Variants in NRDC observed in about 807,000 individuals in gnomAD.
NRDC encodes the protein nardilysin.
In NRDC, 54 loss-of-function variants were observed where a neutral mutation model predicts 147.1. That is an observed-to-expected ratio of 0.37 (90% CI 0.29 to 0.46). The LOEUF (loss-of-function observed/expected upper bound fraction) is 0.46. Among genes scored for constraint, NRDC ranks in the 20% least tolerant of loss-of-function variants. NRDC has a pLI of 1.00. For missense variants in NRDC, 1,082 were observed against 1,370.6 expected, an observed-to-expected ratio of 0.79 and a Z score of 3.33; for synonymous variants, 440 against 482.1, an observed-to-expected ratio of 0.91 and a Z score of 1.14.
chr1:51,877,329 A>C (rs1345341614), intron 1 of NRDC, among the ~76,000 whole-genome samples: 1 of 152,128 alleles, frequency 6.6e-6, no homozygotes, highest in Non-Finnish European at 1.5e-5. Context: ...CAACCTGTTC[A>C]ACGAAGTTAT....
intron 1 of NRDC, among the ~76,000 whole-genome samples, chr1:51,873,020 C>A (rs1683155926): frequency 6.6e-6 from 1 of 152,074 alleles, no homozygotes; most frequent in Non-Finnish European, 1.5e-5. Flanking sequence ...ATTTTGTGAT[C>A]ATTTTAGCAA....
chr1:51,834,526 G>A (rs139983021), intron 3 of NRDC, among the ~76,000 whole-genome samples: 1,974 of 152,140 alleles, frequency 0.013, 133 homozygotes, highest in Admixed American at 0.11. Flanking sequence ...AGGTTGCCCA[G>A]GCTGGTCTCC....
In NRDC at chr1:51,816,300, T is replaced by C. The variant is rs1407496796; in HGVS notation, c.1439+12A>G. On this transcript the variant is annotated intron_variant, in intron 11 of 30. Transcript: ENST00000352171. The stretch of plus-strand genomic sequence containing the variant: ...TTGCTATACTGAAAATACTTATTAA[T>C]TGAATACTTGCTTTTTCCTAAGGAA... 4.5e-6 allele frequency: 7 copies of C among 1,564,548 alleles called. No individual in the cohort carries two copies. Among genetic ancestry groups the C allele is most frequent in the East Asian group, 2.3e-5 (1 of 43,932 alleles).
intron 17 of NRDC, among the ~76,000 whole-genome samples, chr1:51,808,710 A>C (rs1245169289): frequency 1.3e-5 from 2 of 152,244 alleles, no homozygotes; most frequent in Non-Finnish European, 1.5e-5. Context: ...AAGCAACTCT[A>C]AAACCTTGGA....
chr1:51,878,222 G>T lies in NRDC; in HGVS notation c.341+53C>A, dbSNP rs1030909342. On this transcript the variant is annotated intron_variant, in intron 1 of 30. Coordinates refer to ENST00000352171, the MANE Select transcript of NRDC (RefSeq NM_001101662.2). ...GGAGACAAGAAGTGACGGCGGCACC[G>T]ACAGAGAAGCCGGCACACTGTTCGC... 2.3e-5 allele frequency: 36 copies of T among 1,540,734 alleles called. No homozygotes were observed. In the Admixed American group the frequency reaches 4.4e-4, roughly 19 times the overall value.
At chr1:51,809,832 G>T (rs1679630788) in intron 16 of NRDC, among the ~76,000 whole-genome samples, 1 of 151,758 alleles carries the variant, frequency 6.6e-6, no homozygotes. Flanking sequence ...AACCCAGGGG[G>T]CAAAAGAAGT....
intron 1 of NRDC, among the ~76,000 whole-genome samples, chr1:51,847,421 G>C (rs533347689): frequency 2.0e-4 from 30 of 152,250 alleles, no homozygotes; most frequent in Non-Finnish European, 2.6e-4. Flanking sequence ...GGGCGCCGTG[G>C]AGCAGGGGGC....
At chr1:51,823,536 T>C in intron 7 of NRDC, 128 bp downstream of exon 7, 1 of 628,394 alleles carries the variant, frequency 1.6e-6, no homozygotes, top group South Asian at 4.6e-5. Context: ...CAAGTTCTGA[T>C]TTCCTTTACT....
chr1:51,790,797 G>A, intron 28 of NRDC, 103 bp downstream of exon 28: 2 of 1,005,102 alleles, frequency 2.0e-6, no homozygotes, highest in Non-Finnish European at 3.1e-6. Context: ...TAAGAGGAAG[G>A]TGGGGCTGCA....
chr1:51,838,173 T>G (rs1189251278), intron 2 of NRDC, among the ~76,000 whole-genome samples: 1 of 152,166 alleles, frequency 6.6e-6, no homozygotes, highest in Non-Finnish European at 1.5e-5. Context: ...ATCCATAAAA[T>G]TAGCTGTCAA....
chr1:51,833,762 T>A (rs12731354), intron 4 of NRDC, among the ~76,000 whole-genome samples: 6,872 of 152,122 alleles, frequency 0.045, 192 homozygotes, highest in Middle Eastern at 0.065. Flanking sequence ...GCACTCACCA[T>A]CATGCTTGGC....
intron 1 of NRDC, among the ~76,000 whole-genome samples, chr1:51,863,013 G>GGA (rs1553219028): frequency 4.4e-4 from 14 of 32,060 alleles, no homozygotes; most frequent in Admixed American, 6.0e-4. Flanking sequence ...CTGTGTGGAG[G>GGA]AAAAAAAAAA....
intron 10 of NRDC, among the ~76,000 whole-genome samples, chr1:51,816,684 C>T (rs575363703): frequency 1.3e-3 from 196 of 152,154 alleles, no homozygotes; most frequent in Non-Finnish European, 1.5e-3. Flanking sequence ...CTTTTTGCTT[C>T]ACCCAATATG....
intron 1 of NRDC, among the ~76,000 whole-genome samples, chr1:51,869,177 T>C (rs1180792077): frequency 6.6e-6 from 1 of 152,088 alleles, no homozygotes; most frequent in Non-Finnish European, 1.5e-5. Context: ...CTCAAACTCA[T>C]GATCTCCAGC....
At chr1:51,850,758 C>T (rs1172507417) in intron 1 of NRDC, among the ~76,000 whole-genome samples, 1 of 152,150 alleles carries the variant, frequency 6.6e-6, no homozygotes. Flanking sequence ...GTACTGAACT[C>T]GTCTGCTATC....
chr1:51,827,884 AAACTGGCAT>A lies in NRDC; in HGVS notation c.867-24_867-16del. 6.2e-7 allele frequency: 1 copy of A among 1,611,726 alleles called. No homozygotes were observed. The highest frequency in any genetic ancestry group is 2.2e-5 in the East Asian group (1 of 44,806). ...ACTGCGCCCATCTGAACAAAAAACA[AAACTGGCAT>A]TTCCGTTTTTGTTCACTTTCATCAA... is the stretch of plus-strand genomic sequence containing the variant. On this transcript the variant is annotated splice_polypyrimidine_tract_variant and intron_variant, in intron 4 of 30. Coordinates refer to ENST00000352171, the MANE Select transcript of NRDC (RefSeq NM_001101662.2).
intron 4 of NRDC, among the ~76,000 whole-genome samples, chr1:51,832,553 A>G (rs916833935): frequency 6.6e-5 from 10 of 152,188 alleles, no homozygotes; most frequent in African/African-American, 2.4e-4. Context: ...ACATTATACT[A>G]GACAAACGTG....
intron 1 of NRDC, among the ~76,000 whole-genome samples, chr1:51,845,001 T>C (rs916143318): frequency 1.1e-4 from 17 of 152,070 alleles, no homozygotes; most frequent in Admixed American, 1.1e-3. Flanking sequence ...TACAAGGCCA[T>C]TTCCCTTTTC....
chr1:51,847,636 C>T (rs1287179752), intron 1 of NRDC, among the ~76,000 whole-genome samples: 1 of 152,236 alleles, frequency 6.6e-6, no homozygotes, highest in African/African-American at 2.4e-5. Flanking sequence ...AAGCCCCTCA[C>T]TGCCAGGGGC....
Sources: gnomAD v4.1 joint callset for allele counts (sites outside exome capture counted in the v4.1 genomes callset) on GRCh38, gnomAD v4.1.1 for gene constraint, MANE v1.5 for transcripts, NCBI Gene and HGNC (gene_info 2026-07-23, HGNC 2026-07-21) for gene names.